Variants in GSG1L observed in about 807,000 individuals in gnomAD.
The protein encoded by GSG1L is GSG1 like, also known as germ cell-specific gene 1-like protein.
In GSG1L, 24 loss-of-function variants were observed where a neutral mutation model predicts 42.1. That is an observed-to-expected ratio of 0.57 (90% CI 0.41 to 0.80). The LOEUF (loss-of-function observed/expected upper bound fraction) is 0.80, where lower values mean the gene tolerates loss of function less well. GSG1L is among the 30% of genes least tolerant of loss of function. The pLI is 0.00. For missense variants in GSG1L, 445 were observed against 472.2 expected (o/e 0.94, Z 0.53); for synonymous variants, 215 against 203.5 (o/e 1.06, Z -0.48).
chr16:27,960,987 C>T (rs560228433), intron 2 of GSG1L, among the ~76,000 whole-genome samples: 3 of 152,084 alleles, frequency 2.0e-5, no homozygotes, highest in Non-Finnish European at 2.9e-5. Flanking sequence ...GGCCTGATAC[C>T]TTCTGGAGGG....
At chr16:28,036,787 A>G (rs1312119161) in intron 1 of GSG1L, among the ~76,000 whole-genome samples, 1 of 152,126 alleles carries the variant, frequency 6.6e-6, no homozygotes, top group East Asian at 1.9e-4. Flanking sequence ...CGTAGGAGAA[A>G]TCAGGACGCT....
At chr16:27,817,054 G>A (rs773823584) in intron 5 of GSG1L, among the ~76,000 whole-genome samples, 8 of 152,154 alleles carry the variant, frequency 5.3e-5, no homozygotes, top group Middle Eastern at 6.3e-3. Flanking sequence ...GAGAAAAGGC[G>A]GATGAAGGCA....
intron 1 of GSG1L, among the ~76,000 whole-genome samples, chr16:28,004,063 C>T (rs2085609424): frequency 6.6e-6 from 1 of 152,222 alleles, no homozygotes. Context: ...GGGCTGACGG[C>T]CACTCAGCCC....
At chr16:27,928,961 C>A (rs1345031639) in intron 2 of GSG1L, among the ~76,000 whole-genome samples, 1 of 152,210 alleles carries the variant, frequency 6.6e-6, no homozygotes, top group Non-Finnish European at 1.5e-5. Context: ...GGTGCAGGGA[C>A]CTGGGAAAGC....
At chr16:27,893,856 G>A (rs1376255660) in intron 2 of GSG1L, among the ~76,000 whole-genome samples, 1 of 152,170 alleles carries the variant, frequency 6.6e-6, no homozygotes, top group Admixed American at 6.5e-5. Context: ...GGGCTCAAGC[G>A]ATCCTCCCAC....
chr16:27,905,273 G>A (rs2084307101), intron 2 of GSG1L, among the ~76,000 whole-genome samples: 1 of 151,564 alleles, frequency 6.6e-6, no homozygotes, highest in South Asian at 2.1e-4. Flanking sequence ...TGAGCACTTG[G>A]CTGGACCACA....
intron 5 of GSG1L, among the ~76,000 whole-genome samples, chr16:27,813,413 T>C (rs976149066): frequency 1.2e-4 from 18 of 152,232 alleles, no homozygotes; most frequent in African/African-American, 4.1e-4. Context: ...CTCATTCTTT[T>C]TTCTGGCTGT....
At position 28,063,405 on chromosome 16, in the gene GSG1L, C is replaced by A; in HGVS notation, c.20G>T (p.Gly7Val). The A allele has an allele frequency of 7.6e-7, 1 of 1,321,392 alleles. No homozygotes were observed. Among genetic ancestry groups the A allele is most frequent in the Non-Finnish European group, 9.7e-7 (1 of 1,027,450 alleles). The allele number at this position is 1,321,392 out of a possible 1,614,324, so 81.9% of individuals were successfully genotyped here. The stretch of plus-strand genomic sequence containing the variant: ...CAGGGCCACGGCCAGGAGCGCTCGG[C>A]CGCGGCGGCTAGTCTTCATGCCGCC... MKTSRR[G>V]RALLAVALNL... The change falls in exon 1 of 7, where the codon GGC (glycine) becomes GTC (valine). Residue 7 changes from glycine (G) to valine (V), a missense_variant. By Grantham distance (109) the Gly-to-Val change is moderately radical (BLOSUM62 -3). This residue lies in a region of GSG1L where 156 missense variants were observed against 128.3 expected (regional missense o/e 1.22). Transcript: ENST00000447459. This position sits in a 1 kb window ranked among gnomAD's most constrained non-coding sequence, Gnocchi z 5.8.
intron 5 of GSG1L, among the ~76,000 whole-genome samples, chr16:27,827,739 G>T (rs2083226813): frequency 6.6e-6 from 1 of 152,104 alleles, no homozygotes; most frequent in African/African-American, 2.4e-5. Flanking sequence ...AATTCATCCA[G>T]CCAGCCTTCT....
rs372590551 is a variant in GSG1L at position 27,937,570 on chromosome 16, C to T, written c.397+25586G>A. ...TCTGCCCTCTCGAAGGACCATCTCCCTTGCTGACAGGGCATCTGCCAATCA... is the reference window on the plus strand; with the variant it reads ...TCTGCCCTCTCGAAGGACCATCTCCTTTGCTGACAGGGCATCTGCCAATCA... On this transcript the variant is annotated intron_variant, in intron 2 of 6. Transcript: ENST00000447459. 3.9e-5 allele frequency among the ~76,000 whole-genome samples: 6 copies of T among 152,334 alleles called. No individual in the cohort carries two copies. In the East Asian group the frequency reaches 1.2e-3, roughly 29 times the overall value.
intron 3 of GSG1L, among the ~76,000 whole-genome samples, chr16:27,855,474 C>T (rs1364686114): frequency 6.6e-6 from 1 of 152,078 alleles, no homozygotes; most frequent in African/African-American, 2.4e-5. Context: ...AATCTCAGCA[C>T]TTTGGGAGGC....
intron 3 of GSG1L, among the ~76,000 whole-genome samples, chr16:27,867,858 C>T (rs537845128): frequency 1.3e-5 from 2 of 152,348 alleles, no homozygotes; most frequent in East Asian, 1.9e-4. Context: ...CAAAGTCCAG[C>T]TTTCCGGCTG....
chr16:27,920,320 C>G (rs1323715248), intron 2 of GSG1L, among the ~76,000 whole-genome samples: 1 of 152,106 alleles, frequency 6.6e-6, no homozygotes, highest in Non-Finnish European at 1.5e-5. Context: ...TGCCTGAGGC[C>G]AAAAAGATCC....
intron 5 of GSG1L, among the ~76,000 whole-genome samples, chr16:27,820,252 C>T (rs1026326233): frequency 6.6e-6 from 1 of 152,130 alleles, no homozygotes; most frequent in Non-Finnish European, 1.5e-5. Context: ...ATATGGGGGC[C>T]CTCGGCCACG....
chr16:28,034,842 C>A (rs1244587782), intron 1 of GSG1L, among the ~76,000 whole-genome samples: 1 of 152,208 alleles, frequency 6.6e-6, no homozygotes, highest in Non-Finnish European at 1.5e-5. Context: ...CAGATATTGA[C>A]AAATGTCCCT....
At chr16:27,909,387 T>C (rs901987850) in intron 2 of GSG1L, among the ~76,000 whole-genome samples, 11 of 146,802 alleles carry the variant, frequency 7.5e-5, no homozygotes, top group East Asian at 3.9e-4. Flanking sequence ...TTTTCTTTTT[T>C]TTTTTTTTTT....
At chr16:27,794,566 C>T (rs551781794) in intron 6 of GSG1L, among the ~76,000 whole-genome samples, 7 of 152,016 alleles carry the variant, frequency 4.6e-5, no homozygotes, top group Non-Finnish European at 8.8e-5. Flanking sequence ...CTCCTGACCT[C>T]GTGATCCACC....
At chr16:27,803,766 C>CAT (rs3047681) in intron 6 of GSG1L, among the ~76,000 whole-genome samples, 1,795 of 117,700 alleles carry the variant, frequency 0.015, 21 homozygotes, top group East Asian at 0.039. Flanking sequence ...ACAGTGCAGA[C>CAT]ATATATATAT....
intron 1 of GSG1L, among the ~76,000 whole-genome samples, chr16:27,964,873 C>T (rs1203260351): frequency 6.6e-6 from 1 of 152,098 alleles, no homozygotes; most frequent in Non-Finnish European, 1.5e-5. Flanking sequence ...GCTAGCACAA[C>T]AGGGTGACTG....
Sources: allele counts gnomAD v4.1 joint callset (sites outside exome capture counted in the v4.1 genomes callset), GRCh38; gene constraint gnomAD v4.1.1; regional missense constraint gnomAD v4.1.1; non-coding constraint Gnocchi (gnomAD v3.1); transcripts MANE v1.5; gene names NCBI Gene and HGNC (gene_info 2026-07-23, HGNC 2026-07-21).